Variants in MOCS1 observed in about 807,000 individuals in gnomAD.
The protein encoded by MOCS1 is molybdenum cofactor synthesis 1.
A neutral mutation model predicts 57.6 loss-of-function variants in MOCS1; 39 were observed. The observed-to-expected ratio is 0.68, with a 90% CI of 0.52 to 0.88. The LOEUF (loss-of-function observed/expected upper bound fraction) is 0.88, where lower values mean the gene tolerates loss of function less well. Among genes scored for constraint, MOCS1 ranks in the 40% least tolerant of loss-of-function variants. The pLI is 0.00. For synonymous variants in MOCS1, 334 were observed against 335.7 expected, an observed-to-expected ratio of 1.00 and a Z score of 0.05; for missense variants, 795 against 831.1, an observed-to-expected ratio of 0.96 and a Z score of 0.53.
intron 10 of MOCS1, among the ~76,000 whole-genome samples, chr6:39,907,857 A>G (rs1202739375): frequency 1.3e-5 from 2 of 152,200 alleles, no homozygotes; most frequent in African/African-American, 4.8e-5. Flanking sequence ...ATGCACATGA[A>G]ATTCTGAGAG....
chr6:39,927,950 C>T (rs45452891), intron 1 of MOCS1, among the ~76,000 whole-genome samples: 1,920 of 152,202 alleles, frequency 0.013, 17 homozygotes, highest in East Asian at 0.046. Flanking sequence ...CCTGACCTAT[C>T]GGTCCTTGGA....
At chr6:39,929,054 G>C (rs1004431410) in intron 1 of MOCS1, among the ~76,000 whole-genome samples, 9 of 152,212 alleles carry the variant, frequency 5.9e-5, no homozygotes, top group African/African-American at 2.2e-4. Context: ...ACTGGGTCAA[G>C]AGCCACTGAG....
Position 39,916,210 on chromosome 6 carries a change from C to G in MOCS1, c.441G>C (p.Gly147=). The G allele has an allele frequency of 1.2e-6, 2 of 1,613,816 alleles. No individual in the cohort carries two copies. Among genetic ancestry groups the G allele is most frequent in the Non-Finnish European group, 1.7e-6 (2 of 1,179,974 alleles). Residue 147 remains glycine, a synonymous_variant, in exon 4 of 11, where the codon GGG becomes GGC. Coordinates refer to ENST00000340692, the MANE Select transcript of MOCS1 (RefSeq NM_001358530.2). ...DIVAQLQRLE[G]LRTIGVTTNG... ...TGGTGGTAACACCTATGGTTCTCAG[C>G]CCTTCCAGCCGCTGGAGCTGGGCTG...
rs1205681014 is a variant in MOCS1, at chr6:39,905,726, C to A, written c.*631G>T. 2.1e-6 allele frequency: 1 copy of A among 471,000 alleles called. No individual in the cohort carries two copies. 29.2% of individuals were successfully genotyped at this position (471,000 alleles called of 1,614,324 possible). On this transcript the variant is annotated 3_prime_UTR_variant, in exon 11 of 11. Coordinates refer to ENST00000340692, the MANE Select transcript of MOCS1 (RefSeq NM_001358530.2). ...ACATCCTGTTTCAGAAGAGGGGGGC[C>A]AGAGGAAAAGGGGCCAGCAGGACCG... is the stretch of plus-strand genomic sequence containing the variant.
At chr6:39,926,071 A>G (rs1298358377) in intron 2 of MOCS1, among the ~76,000 whole-genome samples, 1 of 152,128 alleles carries the variant, frequency 6.6e-6, no homozygotes, top group Non-Finnish European at 1.5e-5. Flanking sequence ...TGCCCAACAC[A>G]CACAATCTGG....
rs113115366 is a variant in MOCS1, at chr6:39,904,304, C to G, written c.*2053G>C. The G allele has an allele frequency of 2.0e-4, 90 of 456,734 alleles. No homozygotes were observed. The highest frequency in any genetic ancestry group is 1.5e-3 in the African/African-American group (77 of 50,216). 28.3% of individuals were successfully genotyped at this position (456,734 alleles called of 1,614,324 possible). ...TTTCTATTTATTTTCTACATCTGGC[C>G]AGTGGCTCTGGTGCTAGATGCCACT... On this transcript the variant is annotated 3_prime_UTR_variant, in exon 11 of 11. Transcript: ENST00000340692.
At chr6:39,917,912 G>C (rs1767751226) in intron 3 of MOCS1, among the ~76,000 whole-genome samples, 2 of 152,180 alleles carry the variant, frequency 1.3e-5, no homozygotes, top group Admixed American at 1.3e-4. Flanking sequence ...CATTCTTGAA[G>C]AGCTGGATAC....
Position 39,906,383 on chromosome 6 carries a change from G to GACC in MOCS1, c.1882_1884dup (p.Gly628dup). On this transcript the variant is annotated inframe_insertion, in exon 11 of 11. Coordinates refer to ENST00000340692, the MANE Select transcript of MOCS1 (RefSeq NM_001358530.2). The stretch of plus-strand genomic sequence containing the variant: ...TAAGCCCGATGGAAGTCCCCCCGCT[G>GACC]ACCACCAGTCTTGCTAATGAGCTTG... 6.3e-7 allele frequency: 1 copy of GACC among 1,598,150 alleles called. No individual in the cohort carries two copies. The highest frequency in any genetic ancestry group is 1.7e-5 in the Admixed American group (1 of 59,608).
Position 39,906,352 on chromosome 6 carries a change from A to C in MOCS1, c.*5T>G. On this transcript the variant is annotated 3_prime_UTR_variant, in exon 11 of 11. Coordinates refer to ENST00000340692, the MANE Select transcript of MOCS1 (RefSeq NM_001358530.2). ...TGGGTGGGCCATGGGTGAGAAGGGC[A>C]GGTGCTAAGCCCGATGGAAGTCCCC... is the stretch of plus-strand genomic sequence containing the variant. 1 of 1,597,152 alleles carries C rather than the reference A, an allele frequency of 6.3e-7. No homozygotes were observed. The highest frequency in any genetic ancestry group is 8.6e-7 in the Non-Finnish European group (1 of 1,168,870).
chr6:39,911,574 C>G (rs978463513), intron 8 of MOCS1, among the ~76,000 whole-genome samples: 7 of 152,218 alleles, frequency 4.6e-5, no homozygotes, highest in African/African-American at 1.4e-4. Flanking sequence ...AGAACACATT[C>G]TGAACCAAAG....
At position 39,905,435 on chromosome 6, in the gene MOCS1, A is replaced by ATTGAT. The variant is rs1469807907; in HGVS notation, c.*917_*921dup. On this transcript the variant is annotated 3_prime_UTR_variant, in exon 11 of 11. Coordinates refer to ENST00000340692, the MANE Select transcript of MOCS1 (RefSeq NM_001358530.2). ...TCAGGGAACTGTGTCTTGGGATAGG[A>ATTGAT]TTGATTGATTGATTGATAGGTGCAG... 9.0e-6 allele frequency: 4 copies of ATTGAT among 445,816 alleles called. No homozygotes were observed. In the East Asian group the frequency reaches 2.3e-4, roughly 26 times the overall value. 27.6% of individuals were successfully genotyped at this position (445,816 alleles called of 1,614,324 possible). A position where few individuals can be genotyped will look rare whatever the true frequency, so the allele number is the denominator to read the frequency against.
At chr6:39,915,995 C>T in intron 4 of MOCS1, 73 bp downstream of exon 4, 1 of 1,514,948 alleles carries the variant, frequency 6.6e-7, no homozygotes, top group Non-Finnish European at 9.0e-7. Flanking sequence ...GCCCCTGGCT[C>T]AGCAATGGCC....
At chr6:39,909,712 T>C (rs1767201713) in intron 9 of MOCS1, 123 bp downstream of exon 9, 2 of 1,342,244 alleles carry the variant, frequency 1.5e-6, no homozygotes, top group African/African-American at 2.9e-5. Flanking sequence ...GTGGGGATGA[T>C]GCTGACTCTC....
At chr6:39,933,687 C>T (rs1201523407) in intron 1 of MOCS1, among the ~76,000 whole-genome samples, 1 of 152,122 alleles carries the variant, frequency 6.6e-6, no homozygotes, top group Non-Finnish European at 1.5e-5. Context: ...ACCCAAAACC[C>T]TAAAGACAGA....
intron 3 of MOCS1, among the ~76,000 whole-genome samples, chr6:39,924,283 T>C (rs1219039294): frequency 6.6e-6 from 1 of 152,206 alleles, no homozygotes; most frequent in East Asian, 1.9e-4. Context: ...GAGACTCAGA[T>C]AGGAATATGC....
rs1199650719 is a variant in MOCS1, at chr6:39,904,735, G to A, written c.*1622C>T. 1.1e-5 allele frequency: 5 copies of A among 454,092 alleles called. No individual in the cohort carries two copies. In the Admixed American group the frequency reaches 1.2e-4, roughly 11 times the overall value. The allele number at this position is 454,092 out of a possible 1,614,324, so 28.1% of individuals were successfully genotyped here. A position where few individuals can be genotyped will look rare whatever the true frequency, so the allele number is the denominator to read the frequency against. ...CTACCAGGGATGCCTTCACGCCAAG[G>A]CTGTTCTCACCAGCTGCCTCAGATG... On this transcript the variant is annotated 3_prime_UTR_variant, in exon 11 of 11. Transcript: ENST00000340692.
In MOCS1 at chr6:39,913,613, G is replaced by A. The variant is rs369268087; in HGVS notation, c.645+161C>T. 47 of 1,004,318 alleles carry A rather than the reference G, an allele frequency of 4.7e-5. 1 individual carries two copies. The highest frequency in any genetic ancestry group is 2.2e-4 in the East Asian group (9 of 41,496). 62.2% of individuals were successfully genotyped at this position (1,004,318 alleles called of 1,614,324 possible). A position where few individuals can be genotyped will look rare whatever the true frequency, so the allele number is the denominator to read the frequency against. ...GATTTTCTCGTTTCTCTCAAGGGTCGGCAGGGCTGGACCAGCAGGGAGAGA... is the reference window on the plus strand; with the variant it reads ...GATTTTCTCGTTTCTCTCAAGGGTCAGCAGGGCTGGACCAGCAGGGAGAGA... On this transcript the variant is annotated intron_variant, in intron 5 of 10. Transcript: ENST00000340692.
At position 39,906,282 on chromosome 6, in the gene MOCS1, C is replaced by A. The variant is rs532164935; in HGVS notation, c.*75G>T. ...CAAACAGTGACTGTGATTAAAGGAACCTGACGTCTTTCCCTCAGCCTACAT... is the reference window on the plus strand; with the variant it reads ...CAAACAGTGACTGTGATTAAAGGAAACTGACGTCTTTCCCTCAGCCTACAT... On this transcript the variant is annotated 3_prime_UTR_variant, in exon 11 of 11. Coordinates refer to ENST00000340692, the MANE Select transcript of MOCS1 (RefSeq NM_001358530.2). 1.0e-5 allele frequency: 16 copies of A among 1,571,640 alleles called. No individual in the cohort carries two copies. The Admixed American group carries it at 1.7e-4, about 16-fold the overall frequency.
chr6:39,905,213 CTAAT>C lies in MOCS1; in HGVS notation c.*1140_*1143del, dbSNP rs974640406. ...TTTGGGATGTGAGAACCAGGAGCCT[CTAAT>C]TAATTGCCCTCTCTGATCTCTCTAA... On this transcript the variant is annotated 3_prime_UTR_variant, in exon 11 of 11. Transcript: ENST00000340692. The C allele has an allele frequency of 1.1e-4, 51 of 454,286 alleles. No individual in the cohort carries two copies. The highest frequency in any genetic ancestry group is 8.0e-4 in the African/African-American group (40 of 50,102). 28.1% of individuals were successfully genotyped at this position (454,286 alleles called of 1,614,324 possible). A position where few individuals can be genotyped will look rare whatever the true frequency, so the allele number is the denominator to read the frequency against.
Sources: allele counts gnomAD v4.1 joint callset (sites outside exome capture counted in the v4.1 genomes callset), GRCh38; gene constraint gnomAD v4.1.1; transcripts MANE v1.5; gene names NCBI Gene and HGNC (gene_info 2026-07-23, HGNC 2026-07-21).